Variants in TMEM184B observed in about 807,000 individuals in gnomAD.
TMEM184B encodes the protein putative MAPK-activating protein FM08.
TMEM184B carries 17 observed loss-of-function variants against 41.8 expected under a neutral mutation model. The ratio of observed to expected loss-of-function variants is 0.41; its 90% CI spans 0.28 to 0.61. The LOEUF is 0.61. TMEM184B is among the 20% of genes least tolerant of loss of function. The pLI is 0.34. For synonymous variants in TMEM184B, 240 were observed against 229.5 expected, an observed-to-expected ratio of 1.05 and a Z score of -0.41; for missense variants, 393 against 557.8, an observed-to-expected ratio of 0.70 and a Z score of 2.98.
intron 5 of TMEM184B, among the ~76,000 whole-genome samples, chr22:38,229,008 G>T (rs1278430344): frequency 2.6e-5 from 4 of 152,252 alleles, no homozygotes; most frequent in Non-Finnish European, 5.9e-5. Context: ...TTCCCTGCAG[G>T]TCCAGTGGTG....
At position 38,231,418 on chromosome 22, in the gene TMEM184B, G is replaced by A. The variant is rs575767510; in HGVS notation, c.359-84C>T. The A allele has an allele frequency of 1.9e-4, 218 of 1,123,726 alleles. No homozygotes were observed. The African/African-American group carries it at 3.0e-3, about 15-fold the overall frequency. The allele number at this position is 1,123,726 out of a possible 1,614,324, so 69.6% of individuals were successfully genotyped here. ...TGGGATTCTAAACAGCAATGGAGGTGAAAGAGCCACAGCTGTGTGTGGCAA... is the reference window on the plus strand; with the variant it reads ...TGGGATTCTAAACAGCAATGGAGGTAAAAGAGCCACAGCTGTGTGTGGCAA... On this transcript the variant is annotated intron_variant, in intron 3 of 8. Coordinates refer to ENST00000361906, the MANE Select transcript of TMEM184B (RefSeq NM_012264.5).
At chr22:38,235,654 T>G (rs2145625307) in intron 3 of TMEM184B, among the ~76,000 whole-genome samples, 1 of 152,242 alleles carries the variant, frequency 6.6e-6, no homozygotes, top group South Asian at 2.1e-4. Context: ...AGACAGAATC[T>G]CCTCAGACGT....
At chr22:38,222,768 C>G (rs977333962) in intron 8 of TMEM184B, 4 of 931,166 alleles carry the variant, frequency 4.3e-6, no homozygotes, top group African/African-American at 1.8e-5. Flanking sequence ...GTGTGCCCAC[C>G]ACCGAGGCCC....
intron 3 of TMEM184B, among the ~76,000 whole-genome samples, chr22:38,243,994 C>T (rs548834234): frequency 4.6e-5 from 7 of 152,002 alleles, no homozygotes; most frequent in Non-Finnish European, 1.0e-4. Context: ...AGGGACCCCA[C>T]GCAGAGCAGA....
At position 38,220,018 on chromosome 22, in the gene TMEM184B, AC is replaced by A; in HGVS notation, c.*1450del. 4 of 985,450 alleles carry A rather than the reference AC, an allele frequency of 4.1e-6. No individual in the cohort carries two copies. Among genetic ancestry groups the A allele is most frequent in the Non-Finnish European group, 4.8e-6 (4 of 829,962 alleles). 61.0% of individuals were successfully genotyped at this position (985,450 alleles called of 1,614,324 possible). On this transcript the variant is annotated 3_prime_UTR_variant, in exon 9 of 9. Transcript: ENST00000361906. ...CCAAAAGAAAGAATCCCCAGTGAAC[AC>A]CGGCAGGGTCCCTCTCCCTTACCCT... is the stretch of plus-strand genomic sequence containing the variant.
At position 38,219,848 on chromosome 22, in the gene TMEM184B, C is replaced by T. The variant is rs1301645362; in HGVS notation, c.*1621G>A. On this transcript the variant is annotated 3_prime_UTR_variant, in exon 9 of 9. Coordinates refer to ENST00000361906, the MANE Select transcript of TMEM184B (RefSeq NM_012264.5). ...GGGCAGCTTGGGCCCAACTGCTCCG[C>T]CCCCCCAAGATGGAGGGGGAGAGCT... The T allele has an allele frequency of 6.1e-6, 6 of 985,236 alleles. No individual in the cohort carries two copies. The highest frequency in any genetic ancestry group is 6.0e-6 in the Non-Finnish European group (5 of 829,924). The allele number at this position is 985,236 out of a possible 1,614,324, so 61.0% of individuals were successfully genotyped here.
In TMEM184B at chr22:38,252,924, C is replaced by T. The variant is rs142754656; in HGVS notation, c.-58-4905G>A. Among the ~76,000 whole-genome samples the T allele has an allele frequency of 3.2e-3, 483 of 152,156 alleles. 2 individuals carry two copies. The highest frequency in any genetic ancestry group is 5.2e-3 in the African/African-American group (214 of 41,518). ...TTGGGAGGCCGAGCTGGGTGGATCA[C>T]GAGGTCAGGAGATCGAGACCAACCT... On this transcript the variant is annotated intron_variant, in intron 1 of 8. Coordinates refer to ENST00000361906, the MANE Select transcript of TMEM184B (RefSeq NM_012264.5).
chr22:38,233,259 T>C (rs2091683803), intron 3 of TMEM184B, among the ~76,000 whole-genome samples: 1 of 152,168 alleles, frequency 6.6e-6, no homozygotes, highest in Non-Finnish European at 1.5e-5. Context: ...TGACCACGCC[T>C]TGTTGTGACT....
intron 1 of TMEM184B, among the ~76,000 whole-genome samples, chr22:38,254,200 T>C (rs1237957149): frequency 1.0e-5 from 1 of 96,704 alleles, no homozygotes. Context: ...AAGACTCTTG[T>C]CTCCAAAAAA....
chr22:38,247,674 T>C (rs2092065693), intron 2 of TMEM184B, 96 bp downstream of exon 2: 1 of 1,428,600 alleles, frequency 7.0e-7, no homozygotes, highest in East Asian at 2.4e-5. Context: ...TACCTACTAC[T>C]GCAGTGCAGC....
intron 5 of TMEM184B, among the ~76,000 whole-genome samples, chr22:38,229,562 C>G (rs2091551461): frequency 6.6e-6 from 1 of 152,238 alleles, no homozygotes; most frequent in Non-Finnish European, 1.5e-5. Context: ...ACTGCCCCCA[C>G]CCAGGCTACT....
At chr22:38,219,213 G>A (rs2091193578), downstream of TMEM184B, 4 of 974,518 alleles carry the variant, frequency 4.1e-6, no homozygotes, top group Non-Finnish European at 3.7e-6. Context: ...TAAGCCGCCT[G>A]TACCCACAGC....
chr22:38,227,121 C>T (rs2091467371), intron 5 of TMEM184B, among the ~76,000 whole-genome samples: 1 of 139,700 alleles, frequency 7.2e-6, no homozygotes, highest in Admixed American at 7.2e-5. Flanking sequence ...CTGCGCGGGG[C>T]GGGGGGCAGA....
chr22:38,219,379 G>A lies in TMEM184B; in HGVS notation c.*2090C>T, dbSNP rs942608362. The A allele has an allele frequency of 1.0e-6, 1 of 985,802 alleles. No homozygotes were observed. Among genetic ancestry groups the A allele is most frequent in the Non-Finnish European group, 1.2e-6 (1 of 829,928 alleles). 61.1% of individuals were successfully genotyped at this position (985,802 alleles called of 1,614,324 possible). A position where few individuals can be genotyped will look rare whatever the true frequency, so the allele number is the denominator to read the frequency against. Reference sequence around the variant, plus strand: ...TCTGTCACGCATTTAAAATGTCACAGAGACCAAAATAGAGTGGCTTTCTGG... The same window carrying A: ...TCTGTCACGCATTTAAAATGTCACAAAGACCAAAATAGAGTGGCTTTCTGG... On this transcript the variant is annotated 3_prime_UTR_variant, in exon 9 of 9. Coordinates refer to ENST00000361906, the MANE Select transcript of TMEM184B (RefSeq NM_012264.5).
intron 1 of TMEM184B, among the ~76,000 whole-genome samples, chr22:38,271,728 G>C (rs2092527050): frequency 6.6e-6 from 1 of 152,172 alleles, no homozygotes; most frequent in Non-Finnish European, 1.5e-5. Context: ...TTTCTGTCCA[G>C]GTGGGCACAC....
intron 5 of TMEM184B, among the ~76,000 whole-genome samples, chr22:38,227,624 CCA>C (rs1442850436): frequency 6.6e-6 from 1 of 152,142 alleles, no homozygotes; most frequent in Non-Finnish European, 1.5e-5. Context: ...CACGTGGACT[CCA>C]GAGTCTCAAA....
chr22:38,242,536 G>A (rs1280367847), intron 3 of TMEM184B, among the ~76,000 whole-genome samples: 4 of 152,196 alleles, frequency 2.6e-5, no homozygotes, highest in Non-Finnish European at 5.9e-5. Context: ...AGGTCCTCAG[G>A]AAGGGCTGGC....
chr22:38,246,489 C>T (rs1209800997), intron 2 of TMEM184B: 1 of 269,562 alleles, frequency 3.7e-6, no homozygotes, highest in Non-Finnish European at 7.4e-6. Context: ...TTTCCCTCTA[C>T]CTCACTCCGG....
At chr22:38,244,676 GA>G (rs1272557883) in intron 3 of TMEM184B, among the ~76,000 whole-genome samples, 1 of 152,118 alleles carries the variant, frequency 6.6e-6, no homozygotes, top group African/African-American at 2.4e-5. Flanking sequence ...GGCTGGTCTC[GA>G]ACTCCCGACT....
Sources: gnomAD v4.1 joint callset for allele counts (sites outside exome capture counted in the v4.1 genomes callset) on GRCh38, gnomAD v4.1.1 for gene constraint, MANE v1.5 for transcripts, NCBI Gene and HGNC (gene_info 2026-07-23, HGNC 2026-07-21) for gene names.